STAC: variants seen among roughly 807,000 people sequenced by gnomAD.
The protein encoded by STAC is SH3 and cysteine rich domain, also known as SH3 and cysteine-rich domain-containing protein.
STAC carries 43 observed loss-of-function variants against 48.8 expected under a neutral mutation model. The ratio of observed to expected loss-of-function variants is 0.88; its 90% CI spans 0.69 to 1.14. STAC has a LOEUF of 1.14. Among genes scored for constraint, STAC ranks in the 50% most tolerant of loss-of-function variants. STAC has a pLI of 0.00. For synonymous variants in STAC, 193 were observed against 179.5 expected (o/e 1.07, Z -0.60); for missense variants, 497 against 504.0 (o/e 0.99, Z 0.13).
chr3:36,394,139 G>A (rs1321541717), intron 1 of STAC, among the ~76,000 whole-genome samples: 1 of 152,106 alleles, frequency 6.6e-6, no homozygotes, highest in Non-Finnish European at 1.5e-5. Context: ...TGAGTCCAGT[G>A]GCTGGATCTT....
intron 8 of STAC, among the ~76,000 whole-genome samples, chr3:36,517,874 C>T (rs759792019): frequency 1.3e-5 from 2 of 152,046 alleles, no homozygotes; most frequent in Non-Finnish European, 2.9e-5. Context: ...CACACACACA[C>T]ATACATGCAC....
chr3:36,464,868 T>C (rs1040637990), intron 2 of STAC, among the ~76,000 whole-genome samples: 5 of 152,068 alleles, frequency 3.3e-5, no homozygotes, highest in Admixed American at 2.0e-4. Context: ...CACTAGTTGA[T>C]TGATGGGCAT....
At chr3:36,494,254 C>CATCAATA (rs1219541281) in intron 6 of STAC, among the ~76,000 whole-genome samples, 2 of 151,568 alleles carry the variant, frequency 1.3e-5, no homozygotes, top group Admixed American at 6.6e-5. Context: ...GCCTTTTGGA[C>CATCAATA]ATCAATAACT....
intron 1 of STAC, among the ~76,000 whole-genome samples, chr3:36,409,050 A>G (rs1700140069): frequency 6.6e-6 from 1 of 152,238 alleles, no homozygotes; most frequent in Non-Finnish European, 1.5e-5. Context: ...CCAGCAACAA[A>G]GTAGACAGAA....
intron 2 of STAC, among the ~76,000 whole-genome samples, chr3:36,463,770 T>G (rs1247862070): frequency 2.7e-5 from 4 of 149,518 alleles, no homozygotes; most frequent in African/African-American, 9.9e-5. Flanking sequence ...CGGTGTTTGG[T>G]TTTTTGTCCT....
intron 1 of STAC, among the ~76,000 whole-genome samples, chr3:36,412,009 T>G (rs57881392): frequency 0.023 from 3,542 of 152,302 alleles, 61 homozygotes; most frequent in East Asian, 0.026. Context: ...CTGTACAAGT[T>G]AAAGATAATT....
intron 1 of STAC, among the ~76,000 whole-genome samples, chr3:36,418,427 A>G (rs1357831545): frequency 1.3e-5 from 2 of 152,118 alleles, no homozygotes; most frequent in South Asian, 2.1e-4. Flanking sequence ...AGGTGTTTTA[A>G]TGTTTGCCTT....
chr3:36,484,950 C>T (rs771925257), intron 3 of STAC, 27 bp from the exon 4 acceptor site: 4 of 1,572,940 alleles, frequency 2.5e-6, no homozygotes, highest in African/African-American at 1.4e-5. Flanking sequence ...TGACATTAAC[C>T]CCTTGCCTTC....
At chr3:36,488,934 C>T (rs1441691746) in intron 5 of STAC, among the ~76,000 whole-genome samples, 4 of 152,080 alleles carry the variant, frequency 2.6e-5, no homozygotes, top group African/African-American at 9.7e-5. Flanking sequence ...GGATATGAGT[C>T]CTGCCATTAC....
At chr3:36,477,075 A>T (rs1009522617) in intron 2 of STAC, among the ~76,000 whole-genome samples, 1 of 152,218 alleles carries the variant, frequency 6.6e-6, no homozygotes, top group Non-Finnish European at 1.5e-5. Flanking sequence ...ACATTTCTAT[A>T]TATGTAGTTA....
At chr3:36,510,573 A>G (rs946414185) in intron 8 of STAC, among the ~76,000 whole-genome samples, 2 of 152,204 alleles carry the variant, frequency 1.3e-5, no homozygotes, top group Admixed American at 1.3e-4. Context: ...CCCATCAATG[A>G]TAGATTGGAT....
At chr3:36,456,397 G>T in intron 2 of STAC, among the ~76,000 whole-genome samples, 1 of 152,142 alleles carries the variant, frequency 6.6e-6, no homozygotes, top group East Asian at 1.9e-4. Flanking sequence ...TTAAAAAATA[G>T]AAAAAAGACA....
intron 1 of STAC, among the ~76,000 whole-genome samples, chr3:36,428,664 C>T (rs979185971): frequency 1.3e-5 from 2 of 152,126 alleles, no homozygotes; most frequent in African/African-American, 2.4e-5. Flanking sequence ...AAGGGAAGAG[C>T]ATTACAGGAA....
Position 36,546,307 on chromosome 3 carries a change from G to A in STAC, c.*18G>A, listed in dbSNP as rs753385751. On this transcript the variant is annotated 3_prime_UTR_variant, in exon 11 of 11. Transcript: ENST00000273183. ...ACATCTGATTGCTGGCTCCTCCTCC[G>A]TTTGCAGTAGGCAAGCTCTGCTGCG... is the stretch of plus-strand genomic sequence containing the variant. The A allele has an allele frequency of 1.7e-5, 28 of 1,606,528 alleles. No individual in the cohort carries two copies. Among genetic ancestry groups the A allele is most frequent in the East Asian group, 2.2e-5 (1 of 44,784 alleles).
At chr3:36,467,282 C>T (rs1012678978) in intron 2 of STAC, among the ~76,000 whole-genome samples, 1 of 152,012 alleles carries the variant, frequency 6.6e-6, no homozygotes, top group Non-Finnish European at 1.5e-5. Flanking sequence ...CTATATTCAT[C>T]AGGGATATTG....
At chr3:36,534,819 C>T (rs888501148) in intron 10 of STAC, among the ~76,000 whole-genome samples, 30 of 152,026 alleles carry the variant, frequency 2.0e-4, no homozygotes, top group Non-Finnish European at 4.4e-5. Context: ...GTGTGCACTA[C>T]CATGCCCAGA....
In STAC at chr3:36,515,039, AAAT is replaced by A. The variant is rs142944670; in HGVS notation, c.920+9231_920+9233del. Among the ~76,000 whole-genome samples the A allele has an allele frequency of 8.3e-3, 1,230 of 147,802 alleles. 14 individuals carry two copies. The highest frequency in any genetic ancestry group is 0.021 in the African/African-American group (840 of 39,964). ...GGTGACAGAGCAAGACTCTGTCTCCAAATAATAATAATAATAATAATAATAATA... is the reference window on the plus strand; with the variant it reads ...GGTGACAGAGCAAGACTCTGTCTCCAAATAATAATAATAATAATAATAATA... On this transcript the variant is annotated intron_variant, in intron 8 of 10. Coordinates refer to ENST00000273183, the MANE Select transcript of STAC (RefSeq NM_003149.3).
intron 5 of STAC, among the ~76,000 whole-genome samples, chr3:36,486,877 C>T (rs1164916453): frequency 2.0e-5 from 3 of 152,226 alleles, no homozygotes; most frequent in Non-Finnish European, 4.4e-5. Flanking sequence ...TCTATAAATG[C>T]TCCAAGATGC....
At chr3:36,448,862 G>C (rs558036372) in intron 2 of STAC, among the ~76,000 whole-genome samples, 5 of 151,480 alleles carry the variant, frequency 3.3e-5, no homozygotes, top group African/African-American at 1.2e-4. Context: ...AGGATAGCTT[G>C]AGGCTAGGAG....
Sources: allele counts gnomAD v4.1 joint callset (sites outside exome capture counted in the v4.1 genomes callset), GRCh38; gene constraint gnomAD v4.1.1; transcripts MANE v1.5; gene names NCBI Gene and HGNC (gene_info 2026-07-23, HGNC 2026-07-21).